The following PGBD5 variants were observed in gnomAD, a reference collection of about 807,000 sequenced individuals.
The protein encoded by PGBD5 is piggyBac transposable element-derived protein 5.
PGBD5 carries 14 observed loss-of-function variants against 47.9 expected under a neutral mutation model. The observed-to-expected ratio is 0.29, with a 90% confidence interval of 0.19 to 0.46. PGBD5 has a LOEUF of 0.46. Ranked by LOEUF, PGBD5 falls within the 20% of genes least tolerant of loss-of-function variation. The pLI, the probability that PGBD5 is intolerant of heterozygous loss-of-function variation, is 1.00. For missense variants in PGBD5, 635 were observed against 716.0 expected (o/e 0.89, Z 1.29); for synonymous variants, 316 against 306.3 (o/e 1.03, Z -0.33).
At chr1:230,334,938 C>A (rs976410963) in intron 4 of PGBD5, among the ~76,000 whole-genome samples, 9 of 152,286 alleles carry the variant, frequency 5.9e-5, no homozygotes, top group Non-Finnish European at 7.4e-5. Context: ...ACACTCAGCT[C>A]TTTGGGAACC....
intron 1 of PGBD5, among the ~76,000 whole-genome samples, chr1:230,366,050 G>A (rs1387854669): frequency 1.3e-5 from 2 of 152,214 alleles, no homozygotes; most frequent in Non-Finnish European, 1.5e-5. Context: ...CCTGCCAACA[G>A]AAAGCCCCAT....
intron 1 of PGBD5, among the ~76,000 whole-genome samples, chr1:230,367,270 C>T (rs560822216): frequency 1.6e-4 from 25 of 152,248 alleles, no homozygotes; most frequent in African/African-American, 4.8e-4. Flanking sequence ...CTGAGGCCAC[C>T]GATGCCCCCA....
At chr1:230,349,708 C>T in intron 3 of PGBD5, among the ~76,000 whole-genome samples, 1 of 152,134 alleles carries the variant, frequency 6.6e-6, no homozygotes, top group East Asian at 1.9e-4. Context: ...GAACCCGACG[C>T]ACCTGTACCT....
chr1:230,340,591 A>G (rs1457090283), intron 3 of PGBD5, among the ~76,000 whole-genome samples: 1 of 152,174 alleles, frequency 6.6e-6, no homozygotes, highest in Non-Finnish European at 1.5e-5. Flanking sequence ...CAACTTAATC[A>G]GAAAACAACC....
rs572207849 is a variant in PGBD5 at position 230,315,779 on chromosome 1, C to CATATATGT, written c.*7638_*7645dup. Reference sequence around the variant, plus strand: ...CACATACATATATTATAGATGTATGCATATATGTATATATGTATACATATA... The same window carrying CATATATGT: ...CACATACATATATTATAGATGTATGCATATATGTATATATGTATATATGTATACATATA... On this transcript the variant is annotated 3_prime_UTR_variant, in exon 7 of 7. Coordinates refer to ENST00000391860, the MANE Select transcript of PGBD5 (RefSeq NM_001258311.2). The CATATATGT allele has an allele frequency of 1.5e-4, 17 of 114,316 alleles. No individual in the cohort carries two copies. In the South Asian group the frequency reaches 4.7e-3, roughly 31 times the overall value. The allele number at this position is 114,316 out of a possible 1,614,324, so 7.1% of individuals were successfully genotyped here. A position where few individuals can be genotyped will look rare whatever the true frequency, so the allele number is the denominator to read the frequency against.
At chr1:230,420,154 C>T (rs1479732992) in intron 1 of PGBD5, among the ~76,000 whole-genome samples, 1 of 152,030 alleles carries the variant, frequency 6.6e-6, no homozygotes, top group Admixed American at 6.6e-5. Context: ...CAAACTTAGG[C>T]CTCAACTATG....
At chr1:230,327,293 G>A (rs779933529) in intron 5 of PGBD5, among the ~76,000 whole-genome samples, 6 of 151,990 alleles carry the variant, frequency 3.9e-5, no homozygotes, top group African/African-American at 4.8e-5. Context: ...AAAGTCAAAC[G>A]GGCATGTCCT....
intron 1 of PGBD5, among the ~76,000 whole-genome samples, chr1:230,368,546 T>A (rs1241228032): frequency 6.6e-6 from 1 of 152,122 alleles, no homozygotes; most frequent in Non-Finnish European, 1.5e-5. Context: ...GCGGAGTGAG[T>A]GAATGAGTGG....
chr1:230,362,285 C>T lies in PGBD5; in HGVS notation c.332-4964G>A, dbSNP rs777527155. 2.9e-6 allele frequency: 4 copies of T among 1,367,450 alleles called. No homozygotes were observed. In the South Asian group the frequency reaches 3.4e-5, roughly 12 times the overall value. The allele number at this position is 1,367,450 out of a possible 1,614,324, so 84.7% of individuals were successfully genotyped here. ...CCAGCTCCTTCACCTCCATGCTCTG[C>T]ACTGAGTTTCCCCACGGGTGTGCAG... On this transcript the variant is annotated intron_variant, in intron 1 of 6. Transcript: ENST00000391860.
intron 1 of PGBD5, among the ~76,000 whole-genome samples, chr1:230,392,569 G>A (rs777792786): frequency 7.9e-5 from 12 of 152,200 alleles, no homozygotes; most frequent in Non-Finnish European, 1.3e-4. Context: ...GGAACTTTGA[G>A]GCTGCTCAGC....
In PGBD5 at chr1:230,323,315, G is replaced by C; in HGVS notation, c.*110C>G. 2 of 1,314,998 alleles carry C rather than the reference G, an allele frequency of 1.5e-6. No homozygotes were observed. Among genetic ancestry groups the C allele is most frequent in the Non-Finnish European group, 2.1e-6 (2 of 964,044 alleles). The allele number at this position is 1,314,998 out of a possible 1,614,324, so 81.5% of individuals were successfully genotyped here. Reference sequence around the variant, plus strand: ...CCAGAGGCCCTGTGCATCCCTCCCAGGCAGCAAGCCACACACCAGGCCGTG... The same window carrying C: ...CCAGAGGCCCTGTGCATCCCTCCCACGCAGCAAGCCACACACCAGGCCGTG... On this transcript the variant is annotated 3_prime_UTR_variant, in exon 7 of 7. Transcript: ENST00000391860. The surrounding 1 kb of genome is among the most constrained non-coding windows in gnomAD (Gnocchi z 4.1).
chr1:230,390,813 C>A (rs1194879466), intron 1 of PGBD5, among the ~76,000 whole-genome samples: 5 of 152,096 alleles, frequency 3.3e-5, no homozygotes, highest in African/African-American at 7.2e-5. Flanking sequence ...GATCTTGGCT[C>A]ACTGCAACCT....
In PGBD5 at chr1:230,357,829, A is replaced by G. The variant is rs536914706; in HGVS notation, c.332-508T>C. 4.7e-4 allele frequency among the ~76,000 whole-genome samples: 72 copies of G among 152,320 alleles called. No individual in the cohort carries two copies. The highest frequency in any genetic ancestry group is 1.7e-3 in the African/African-American group (71 of 41,556). ...ATATCATATAAATGTATACATCAACATGTAAGTTTTAAAATTAAAATGTGC... is the reference window on the plus strand; with the variant it reads ...ATATCATATAAATGTATACATCAACGTGTAAGTTTTAAAATTAAAATGTGC... On this transcript the variant is annotated intron_variant, in intron 1 of 6. Coordinates refer to ENST00000391860, the MANE Select transcript of PGBD5 (RefSeq NM_001258311.2). The surrounding 1 kb of genome is among the most constrained non-coding windows in gnomAD (Gnocchi z 5.7).
At chr1:230,382,228 T>C (rs1396528983) in intron 1 of PGBD5, among the ~76,000 whole-genome samples, 2 of 152,208 alleles carry the variant, frequency 1.3e-5, no homozygotes, top group Non-Finnish European at 2.9e-5. Flanking sequence ...TCGCCTGTGG[T>C]TGTTGATGAA....
In PGBD5 at chr1:230,393,566, G is replaced by A. The variant is rs187926909; in HGVS notation, c.331+32032C>T. Among the ~76,000 whole-genome samples the A allele has an allele frequency of 2.9e-3, 435 of 152,166 alleles. 3 individuals carry two copies. The highest frequency in any genetic ancestry group is 9.6e-3 in the African/African-American group (398 of 41,524). On this transcript the variant is annotated intron_variant, in intron 1 of 6. Transcript: ENST00000391860. The stretch of plus-strand genomic sequence containing the variant: ...GAAAAGAAAATAATAGGCCGGGCGC[G>A]GTGGCTCACGCCTGTAATCCCAGCA...
At chr1:230,387,760 G>A (rs769677382) in intron 1 of PGBD5, among the ~76,000 whole-genome samples, 2 of 152,204 alleles carry the variant, frequency 1.3e-5, no homozygotes, top group Non-Finnish European at 2.9e-5. Context: ...CAAGCCTGAA[G>A]TGTCCAACAA....
rs1267825979 is a variant in PGBD5, at chr1:230,314,611, A to G, written c.*8814T>C. ...TTTTTTTTTTTTTTTTTTTTGCCAC[A>G]TTTCACATTTGAGAACCCAGAATTC... On this transcript the variant is annotated 3_prime_UTR_variant, in exon 7 of 7. Coordinates refer to ENST00000391860, the MANE Select transcript of PGBD5 (RefSeq NM_001258311.2). 3 of 100,962 alleles carry G rather than the reference A, an allele frequency of 3.0e-5. No individual in the cohort carries two copies. The highest frequency in any genetic ancestry group is 5.7e-5 in the Non-Finnish European group (3 of 52,588). The allele number at this position is 100,962 out of a possible 1,614,324, so 6.3% of individuals were successfully genotyped here. A position where few individuals can be genotyped will look rare whatever the true frequency, so the allele number is the denominator to read the frequency against.
chr1:230,351,655 C>T (rs1383848472), intron 2 of PGBD5, among the ~76,000 whole-genome samples: 3 of 152,108 alleles, frequency 2.0e-5, no homozygotes, highest in Non-Finnish European at 4.4e-5. Context: ...TCGTGTCAGC[C>T]CACGACCTCC....
intron 4 of PGBD5, among the ~76,000 whole-genome samples, chr1:230,334,291 G>C (rs1210380707): frequency 1.3e-5 from 2 of 152,236 alleles, no homozygotes; most frequent in South Asian, 2.1e-4. Context: ...CTCTCATCTA[G>C]AGATGTAAAA....
Sources: allele counts gnomAD v4.1 joint callset (sites outside exome capture counted in the v4.1 genomes callset), GRCh38; gene constraint gnomAD v4.1.1; non-coding constraint Gnocchi (gnomAD v3.1); transcripts MANE v1.5; gene names NCBI Gene and HGNC (gene_info 2026-07-23, HGNC 2026-07-21).